MPZL1: variants seen among roughly 807,000 people sequenced by gnomAD.
MPZL1 encodes the protein myelin protein zero like 1, also known as myelin protein zero-like protein 1.
Under a neutral mutation model 29.3 loss-of-function variants are expected in MPZL1, and 16 were observed. The ratio of observed to expected loss-of-function variants is 0.55; its 90% CI spans 0.37 to 0.83. The LOEUF is 0.83. MPZL1 is among the 40% of genes least tolerant of loss of function. The probability of loss-of-function intolerance (pLI) is 0.00; values close to 1 mark genes in which losing one functional copy is unlikely to be tolerated. For missense variants in MPZL1, 279 were observed against 332.9 expected (o/e 0.84, Z 1.26); for synonymous variants, 143 against 132.0 (o/e 1.08, Z -0.57).
rs779345094 is a variant in MPZL1 at position 167,765,748 on chromosome 1, C to T, written c.257C>T (p.Ser86Leu). 6.3e-6 allele frequency: 10 copies of T among 1,596,332 alleles called. No homozygotes were observed. The highest frequency in any genetic ancestry group is 2.7e-5 in the African/African-American group (2 of 73,996). ...CCAGAGGGGGCCGACACTACTGTGT[C>T]GGTAAGAATGCTTGACTTCTCTTGG... is the stretch of plus-strand genomic sequence containing the variant. ...FQPEGADTTV[S>L]FFHYSQGQVY... is the part of the protein sequence containing the mutation. The change falls in exon 2 of 6, where the codon TCG (serine) becomes TTG (leucine). Residue 86 changes from serine to leucine, a missense_variant and splice_region_variant. By Grantham distance (145) the Ser-to-Leu change is moderately radical (BLOSUM62 -2). Transcript: ENST00000359523.
At chr1:167,760,352 G>A (rs1273958137) in intron 1 of MPZL1, among the ~76,000 whole-genome samples, 1 of 41,360 alleles carries the variant, frequency 2.4e-5, no homozygotes, top group African/African-American at 3.2e-4. Context: ...ACAGGCGCCC[G>A]CCACCACACC....
chr1:167,762,326 A>G (rs1661005939), intron 1 of MPZL1, among the ~76,000 whole-genome samples: 2 of 152,216 alleles, frequency 1.3e-5, no homozygotes, highest in South Asian at 2.1e-4. Context: ...TATAAAAGAA[A>G]AACTTCAGCT....
At chr1:167,780,685 C>T (rs1207614357) in intron 5 of MPZL1, among the ~76,000 whole-genome samples, 1 of 152,108 alleles carries the variant, frequency 6.6e-6, no homozygotes, top group African/African-American at 2.4e-5. Flanking sequence ...CCATACCCTA[C>T]AGTGGTCCAG....
intron 5 of MPZL1, among the ~76,000 whole-genome samples, chr1:167,776,921 CA>C (rs941614703): frequency 6.6e-6 from 1 of 152,152 alleles, no homozygotes; most frequent in Non-Finnish European, 1.5e-5. Context: ...AAGAGAGTAA[CA>C]GTGTTTTGTG....
At chr1:167,768,934 T>A (rs896883456) in intron 2 of MPZL1, among the ~76,000 whole-genome samples, 1 of 152,168 alleles carries the variant, frequency 6.6e-6, no homozygotes, top group African/African-American at 2.4e-5. Flanking sequence ...GCTGAGAGTT[T>A]ATGGTTCATT....
intron 1 of MPZL1, among the ~76,000 whole-genome samples, chr1:167,750,077 T>C (rs1660724420): frequency 6.6e-6 from 1 of 152,272 alleles, no homozygotes; most frequent in Non-Finnish European, 1.5e-5. Context: ...AATACTGTAG[T>C]TCTTTCTTTT....
intron 1 of MPZL1, among the ~76,000 whole-genome samples, chr1:167,727,427 T>C (rs1434949121): frequency 6.6e-6 from 1 of 152,244 alleles, no homozygotes; most frequent in African/African-American, 2.4e-5. Context: ...GGAAAGATTT[T>C]TAATCTTGCT....
At chr1:167,745,176 C>T (rs1050655187) in intron 1 of MPZL1, among the ~76,000 whole-genome samples, 5 of 152,074 alleles carry the variant, frequency 3.3e-5, no homozygotes, top group African/African-American at 9.7e-5. Flanking sequence ...GTTTGAACTT[C>T]CCACCTGTTC....
At chr1:167,743,732 A>G (rs1290387470) in intron 1 of MPZL1, among the ~76,000 whole-genome samples, 3 of 152,002 alleles carry the variant, frequency 2.0e-5, no homozygotes, top group Non-Finnish European at 4.4e-5. Flanking sequence ...TGTATAGAAG[A>G]GCTACTGATT....
chr1:167,748,749 G>C (rs992870455), intron 1 of MPZL1, among the ~76,000 whole-genome samples: 2 of 151,878 alleles, frequency 1.3e-5, no homozygotes, highest in Non-Finnish European at 2.9e-5. Flanking sequence ...TATAGTTTTA[G>C]CTCTTACCTT....
intron 1 of MPZL1, among the ~76,000 whole-genome samples, chr1:167,745,640 T>C (rs1268031879): frequency 6.6e-6 from 1 of 152,070 alleles, no homozygotes; most frequent in African/African-American, 2.4e-5. Context: ...AAACATGTTT[T>C]TAATAAATGG....
chr1:167,726,065 A>G (rs1660138985), intron 1 of MPZL1, among the ~76,000 whole-genome samples: 1 of 152,144 alleles, frequency 6.6e-6, no homozygotes, highest in African/African-American at 2.4e-5. Context: ...ATGGCCTGAA[A>G]AGCTCTTTGT....
chr1:167,755,497 A>C (rs1292973587), intron 1 of MPZL1, among the ~76,000 whole-genome samples: 1 of 152,188 alleles, frequency 6.6e-6, no homozygotes, highest in Non-Finnish European at 1.5e-5. Context: ...ATGCCTCCAG[A>C]GCTTTCAACA....
intron 2 of MPZL1, among the ~76,000 whole-genome samples, chr1:167,767,793 T>TTC (rs1491333774): frequency 5.1e-5 from 1 of 19,608 alleles, no homozygotes; most frequent in African/African-American, 3.7e-4. Flanking sequence ...CCTTTTCTGC[T>TTC]TTTTTTTTTT....
intron 1 of MPZL1, among the ~76,000 whole-genome samples, chr1:167,727,279 T>C (rs1660167200): frequency 6.6e-6 from 1 of 152,216 alleles, no homozygotes; most frequent in Non-Finnish European, 1.5e-5. Flanking sequence ...CTGGAGCTAA[T>C]ATAGTACAGC....
intron 1 of MPZL1, among the ~76,000 whole-genome samples, chr1:167,732,022 T>C (rs908269384): frequency 1.6e-4 from 24 of 152,372 alleles, no homozygotes; most frequent in African/African-American, 5.3e-4. Context: ...ACTGTGATCC[T>C]ATTTGGTATG....
rs915840204 is a variant in MPZL1 at position 167,773,086 on chromosome 1, A to G, written c.473-150A>G. 1.2e-5 allele frequency: 9 copies of G among 741,872 alleles called. No individual in the cohort carries two copies. In the African/African-American group the frequency reaches 1.4e-4, roughly 12 times the overall value. The allele number at this position is 741,872 out of a possible 1,614,324, so 46.0% of individuals were successfully genotyped here. On this transcript the variant is annotated intron_variant, in intron 3 of 5. Transcript: ENST00000359523. Reference sequence around the variant, plus strand: ...ATTCACATGTCATGAATTACATAGTAATAGGATAGATAGTAGGATCTCATA... The same window carrying G: ...ATTCACATGTCATGAATTACATAGTGATAGGATAGATAGTAGGATCTCATA...
intron 1 of MPZL1, among the ~76,000 whole-genome samples, chr1:167,740,137 T>C (rs926825200): frequency 2.0e-5 from 3 of 152,248 alleles, no homozygotes; most frequent in Non-Finnish European, 4.4e-5. Context: ...TAAGCATTTG[T>C]TGCTTTAATT....
chr1:167,759,551 G>A (rs1660938397), intron 1 of MPZL1, among the ~76,000 whole-genome samples: 1 of 152,168 alleles, frequency 6.6e-6, no homozygotes, highest in Non-Finnish European at 1.5e-5. Flanking sequence ...GATGCCATTC[G>A]TGCTCACCGT....
Sources: allele counts gnomAD v4.1 joint callset (sites outside exome capture counted in the v4.1 genomes callset), GRCh38; gene constraint gnomAD v4.1.1; transcripts MANE v1.5; gene names NCBI Gene and HGNC (gene_info 2026-07-23, HGNC 2026-07-21).